Variants in PCDHGB5 observed in about 807,000 individuals in gnomAD.
PCDHGB5 encodes protocadherin gamma subfamily B, 5.
PCDHGB5 carries 48 observed loss-of-function variants against 62.9 expected under a neutral mutation model. That is an observed-to-expected ratio of 0.76 (90% CI 0.61 to 0.97). The LOEUF (loss-of-function observed/expected upper bound fraction) is 0.97, where lower values mean the gene tolerates loss of function less well. Among genes scored for constraint, PCDHGB5 ranks in the 50% least tolerant of loss-of-function variants. The pLI, the probability that PCDHGB5 is intolerant of heterozygous loss-of-function variation, is 0.00. For synonymous variants in PCDHGB5, 474 were observed against 511.2 expected, an observed-to-expected ratio of 0.93 and a Z score of 0.98; for missense variants, 1,118 against 1,198.6, an observed-to-expected ratio of 0.93 and a Z score of 0.99.
At chr5:141,416,362 G>A (rs562901653) in intron 1 of PCDHGB5, 4 of 152,306 alleles carry the variant, frequency 2.6e-5, no homozygotes, top group African/African-American at 7.2e-5. Flanking sequence ...GGAGGCTATA[G>A]AGGGTGAAAT....
chr5:141,443,733 C>T (rs7723254), intron 1 of PCDHGB5, among the ~76,000 whole-genome samples: 16,856 of 152,062 alleles, frequency 0.11, 1,109 homozygotes, highest in African/African-American at 0.17. Context: ...TCATACATTT[C>T]CCTATCAGTG....
chr5:141,476,476 C>A lies in PCDHGB5; in HGVS notation c.2398-18331C>A. On this transcript the variant is annotated intron_variant, in intron 1 of 3. Coordinates refer to ENST00000617380, the MANE Select transcript of PCDHGB5 (RefSeq NM_018925.3). The surrounding 1 kb of genome is among the most constrained non-coding windows in gnomAD (Gnocchi z 7.6). ...TGGAGAACCCGCTGGAGCTGTTCAG[C>A]GTGGAAGTGGTGATCCAGGACATCA... 6.2e-7 allele frequency: 1 copy of A among 1,613,986 alleles called. No individual in the cohort carries two copies. The highest frequency in any genetic ancestry group is 8.5e-7 in the Non-Finnish European group (1 of 1,179,992).
intron 3 of PCDHGB5, among the ~76,000 whole-genome samples, chr5:141,506,943 T>A (rs2099857373): frequency 6.6e-6 from 1 of 152,192 alleles, no homozygotes; most frequent in South Asian, 2.1e-4. Context: ...GGGCCTCCTG[T>A]CAATGAATCC....
At chr5:141,430,285 T>C (rs1456678142) in intron 1 of PCDHGB5, among the ~76,000 whole-genome samples, 18 of 151,710 alleles carry the variant, frequency 1.2e-4, no homozygotes, top group Admixed American at 1.2e-3. Flanking sequence ...GGAACAGTAA[T>C]CTCAAAGCAG....
chr5:141,464,980 GATCCT>G (rs2154568684), intron 1 of PCDHGB5, among the ~76,000 whole-genome samples: 1 of 151,990 alleles, frequency 6.6e-6, no homozygotes, highest in East Asian at 1.9e-4. Flanking sequence ...GGCTTCAAGT[GATCCT>G]CCCACCTCAG....
At chr5:141,416,011 G>A (rs2095982763) in intron 1 of PCDHGB5, 2 of 239,912 alleles carry the variant, frequency 8.3e-6, no homozygotes, top group Non-Finnish European at 7.8e-6. Flanking sequence ...GGTAAGAATA[G>A]GTAAGTATCA....
chr5:141,418,324 G>A, intron 1 of PCDHGB5: 2 of 1,614,006 alleles, frequency 1.2e-6, no homozygotes, highest in Non-Finnish European at 1.7e-6. Context: ...CAATTCTTGA[G>A]TCTGCAGAAG....
intron 1 of PCDHGB5, chr5:141,479,269 A>G (rs1279389471): frequency 6.6e-6 from 1 of 152,374 alleles, no homozygotes; most frequent in African/African-American, 2.4e-5. Flanking sequence ...TAAAAGTAAT[A>G]ATTTATTTCA....
At chr5:141,404,387 C>G in intron 1 of PCDHGB5, 3 of 1,613,874 alleles carry the variant, frequency 1.9e-6, no homozygotes, top group Non-Finnish European at 2.5e-6. Context: ...TGCCTATGAC[C>G]CTGATAGCAA....
At position 141,477,924 on chromosome 5, in the gene PCDHGB5, A is replaced by G; in HGVS notation, c.2398-16883A>G. 1 of 1,614,140 alleles carries G rather than the reference A, an allele frequency of 6.2e-7. No homozygotes were observed. On this transcript the variant is annotated intron_variant, in intron 1 of 3. Transcript: ENST00000617380. The surrounding 1 kb of genome is among the most constrained non-coding windows in gnomAD (Gnocchi z 4.9). ...GGCTGGGACGCGGATGCAGGGCACA[A>G]TGCCTGGCTCTCCTACAGTCTCTTG...
rs139156138 is a variant in PCDHGB5 at position 141,472,179 on chromosome 5, T to C, written c.2398-22628T>C. 5.1e-4 allele frequency among the ~76,000 whole-genome samples: 77 copies of C among 152,246 alleles called. 4 individuals are homozygous for C. The East Asian group carries it at 0.014, about 27-fold the overall frequency. On this transcript the variant is annotated intron_variant, in intron 1 of 3. Coordinates refer to ENST00000617380, the MANE Select transcript of PCDHGB5 (RefSeq NM_018925.3). ...TAGCTACTAGGTGTAATATCCAGTATTGGAATTTGAATCTTTTTGACACTA... is the reference window on the plus strand; with the variant it reads ...TAGCTACTAGGTGTAATATCCAGTACTGGAATTTGAATCTTTTTGACACTA...
chr5:141,501,530 G>T (rs556760554), intron 2 of PCDHGB5, among the ~76,000 whole-genome samples: 1 of 151,998 alleles, frequency 6.6e-6, no homozygotes, highest in East Asian at 1.9e-4. Flanking sequence ...AGCCCAGTAC[G>T]TTGTTGTGCA....
chr5:141,504,550 G>A (rs944574179), intron 2 of PCDHGB5, among the ~76,000 whole-genome samples: 2 of 151,586 alleles, frequency 1.3e-5, no homozygotes, highest in Non-Finnish European at 2.9e-5. Context: ...GCAAATGTTG[G>A]GGGACTGGCA....
chr5:141,497,396 C>T (rs2099776233), intron 2 of PCDHGB5, among the ~76,000 whole-genome samples: 1 of 152,116 alleles, frequency 6.6e-6, no homozygotes, highest in Middle Eastern at 3.2e-3. Flanking sequence ...CTTACCCCTG[C>T]CTCAACTCCC....
Position 141,436,164 on chromosome 5 carries a change from A to G in PCDHGB5, c.2397+35640A>G, listed in dbSNP as rs896845015. Among the ~76,000 whole-genome samples, 8 of 152,188 alleles carry G rather than the reference A, an allele frequency of 5.3e-5. No homozygotes were observed. The East Asian group carries it at 1.3e-3, about 26-fold the overall frequency. ...AACTACCAAAATGTTTATCATATGG[A>G]CAGTTCTCATATATAGTCAAATAGA... On this transcript the variant is annotated intron_variant, in intron 1 of 3. Transcript: ENST00000617380.
intron 1 of PCDHGB5, chr5:141,410,392 T>C: frequency 6.2e-7 from 1 of 1,614,050 alleles, no homozygotes; most frequent in African/African-American, 1.3e-5. Flanking sequence ...TCCATCCTGG[T>C]CTCTGTGTCA....
intron 1 of PCDHGB5, chr5:141,414,805 C>T (rs1464881022): frequency 1.2e-6 from 2 of 1,614,224 alleles, no homozygotes; most frequent in Middle Eastern, 1.6e-4. Flanking sequence ...CAGCGGGGAT[C>T]CTCCACTCAG....
chr5:141,404,415 T>C, intron 1 of PCDHGB5: 1 of 1,613,844 alleles, frequency 6.2e-7, no homozygotes, highest in Non-Finnish European at 8.5e-7. Context: ...TCTAGAGTTA[T>C]TTACTCCTTG....
chr5:141,450,071 A>G (rs1039802551), intron 1 of PCDHGB5, among the ~76,000 whole-genome samples: 3 of 139,286 alleles, frequency 2.2e-5, no homozygotes, highest in Non-Finnish European at 3.0e-5. Flanking sequence ...CAGTGGTATG[A>G]TCTTGGCTCA....
Sources: gnomAD v4.1 joint callset for allele counts (sites outside exome capture counted in the v4.1 genomes callset) on GRCh38, gnomAD v4.1.1 for gene constraint, Gnocchi (gnomAD v3.1) non-coding constraint, MANE v1.5 for transcripts, NCBI Gene and HGNC (gene_info 2026-07-23, HGNC 2026-07-21) for gene names.